Variants in CEP85L observed in about 807,000 individuals in gnomAD.
CEP85L encodes the protein centrosomal protein of 85 kDa-like.
CEP85L carries 60 observed loss-of-function variants against 100.3 expected under a neutral mutation model. That is an observed-to-expected ratio of 0.60 (90% confidence interval 0.49 to 0.74). The LOEUF is 0.74. CEP85L is among the 30% of genes least tolerant of loss of function. The pLI, the probability that CEP85L is intolerant of heterozygous loss-of-function variation, is 0.00. For synonymous variants in CEP85L, 319 were observed against 322.7 expected, an observed-to-expected ratio of 0.99 and a Z score of 0.12; for missense variants, 973 against 936.2, an observed-to-expected ratio of 1.04 and a Z score of -0.51.
At chr6:118,631,818 G>A (rs1774172128) in intron 2 of CEP85L, among the ~76,000 whole-genome samples, 1 of 152,170 alleles carries the variant, frequency 6.6e-6, no homozygotes, top group African/African-American at 2.4e-5. Flanking sequence ...GGCAGAGAGA[G>A]AAGTGGGTGT....
At chr6:118,587,669 G>A (rs1780946540) in intron 2 of CEP85L, among the ~76,000 whole-genome samples, 1 of 152,112 alleles carries the variant, frequency 6.6e-6, no homozygotes, top group Non-Finnish European at 1.5e-5. Context: ...GCGGCTTACT[G>A]ATCTGAGGGC....
At chr6:118,662,018 A>G (rs1429688345) in intron 1 of CEP85L, among the ~76,000 whole-genome samples, 1 of 152,228 alleles carries the variant, frequency 6.6e-6, no homozygotes, top group Admixed American at 6.5e-5. Flanking sequence ...GGATCATTGC[A>G]GTACTATCTC....
At chr6:118,493,113 G>A (rs778165107) in intron 5 of CEP85L, among the ~76,000 whole-genome samples, 1 of 152,150 alleles carries the variant, frequency 6.6e-6, no homozygotes, top group Non-Finnish European at 1.5e-5. Context: ...TGAAGACATT[G>A]AGCGAATGAG....
chr6:118,651,762 C>A, upstream of CEP85L: 5 of 986,558 alleles, frequency 5.1e-6, no homozygotes, highest in Non-Finnish European at 6.0e-6. Context: ...TTGGCGGCGA[C>A]TGGGCTGTCC....
intron 2 of CEP85L, among the ~76,000 whole-genome samples, chr6:118,590,208 G>C (rs56057396): frequency 0.034 from 5,116 of 152,104 alleles, 291 homozygotes; most frequent in African/African-American, 0.12. Flanking sequence ...ATTCCCCTGT[G>C]TTGGTCACTG....
In CEP85L at chr6:118,558,656, CACACAG is replaced by C. The variant is rs1258733085; in HGVS notation, c.1020+6867_1020+6872del. Among the ~76,000 whole-genome samples, 286 of 133,868 alleles carry C rather than the reference CACACAG, an allele frequency of 2.1e-3. 1 individual carries two copies. The highest frequency in any genetic ancestry group is 6.8e-3 in the African/African-American group (211 of 31,154). 87.8% of individuals were successfully genotyped at this position (133,868 alleles called of 152,430 possible). A position where few individuals can be genotyped will look rare whatever the true frequency, so the allele number is the denominator to read the frequency against. On this transcript the variant is annotated intron_variant, in intron 3 of 12. Coordinates refer to ENST00000368491, the MANE Select transcript of CEP85L (RefSeq NM_001042475.3). ...ACACACACACACACACACACACACA[CACACAG>C]AGAGAGAGAGAGAGAGAGAGAGAGA...
At chr6:118,496,808 A>T (rs1460199159) in intron 5 of CEP85L, among the ~76,000 whole-genome samples, 1 of 152,222 alleles carries the variant, frequency 6.6e-6, no homozygotes, top group Admixed American at 6.5e-5. Flanking sequence ...TAACATATTC[A>T]ACCTGCTCAA....
intron 2 of CEP85L, among the ~76,000 whole-genome samples, chr6:118,572,234 A>G (rs559046228): frequency 4.6e-4 from 68 of 146,840 alleles, no homozygotes; most frequent in South Asian, 3.7e-3. Context: ...GTTACATAGG[A>G]AAAAAAAAAC....
At chr6:118,679,631 G>A (rs148332746) in intron 1 of CEP85L, among the ~76,000 whole-genome samples, 256 of 152,278 alleles carry the variant, frequency 1.7e-3, no homozygotes, top group African/African-American at 5.9e-3. Context: ...AATGCCTTCA[G>A]GGGCCAGGAA....
chr6:118,563,337 A>C (rs894018316), intron 3 of CEP85L, among the ~76,000 whole-genome samples: 3 of 152,218 alleles, frequency 2.0e-5, no homozygotes, highest in African/African-American at 7.2e-5. Flanking sequence ...GCAAACCTTC[A>C]ATGTTACAAA....
chr6:118,650,378 A>C (rs1162823209), intron 1 of CEP85L, among the ~76,000 whole-genome samples: 3 of 152,214 alleles, frequency 2.0e-5, no homozygotes, highest in Non-Finnish European at 4.4e-5. Context: ...GGGAGGATTT[A>C]TCCTAATTTT....
chr6:118,695,189 C>A (rs1777167136), intron 1 of CEP85L, among the ~76,000 whole-genome samples: 1 of 152,230 alleles, frequency 6.6e-6, no homozygotes, highest in East Asian at 1.9e-4. Context: ...ATGGCAATCT[C>A]AGCTTCTTAT....
At chr6:118,583,418 C>A (rs541374762) in intron 2 of CEP85L, among the ~76,000 whole-genome samples, 18 of 152,274 alleles carry the variant, frequency 1.2e-4, no homozygotes, top group African/African-American at 3.9e-4. Context: ...ACCCCTTTTG[C>A]AGATGGGGAG....
intron 3 of CEP85L, among the ~76,000 whole-genome samples, chr6:118,530,107 T>A (rs1777207934): frequency 1.3e-5 from 2 of 152,026 alleles, no homozygotes; most frequent in South Asian, 4.1e-4. Context: ...GATAAAATAA[T>A]CACAAATGTT....
chr6:118,542,449 T>C lies in CEP85L; in HGVS notation c.1021-18529A>G, dbSNP rs988691549. Among the ~76,000 whole-genome samples the C allele has an allele frequency of 3.3e-5, 5 of 152,176 alleles. 1 individual carries two copies. The South Asian group carries it at 6.2e-4, about 19-fold the overall frequency. Reference sequence around the variant, plus strand: ...AATTTACATGTTTAACAAAATTAGCTAAAATTAATAGCTACTTTCAAAATA... The same window carrying C: ...AATTTACATGTTTAACAAAATTAGCCAAAATTAATAGCTACTTTCAAAATA... On this transcript the variant is annotated intron_variant, in intron 3 of 12. Transcript: ENST00000368491.
chr6:118,661,773 G>GA (rs778479910), intron 1 of CEP85L, among the ~76,000 whole-genome samples: 10 of 152,130 alleles, frequency 6.6e-5, no homozygotes, highest in Non-Finnish European at 1.5e-4. Flanking sequence ...AATATTCAGG[G>GA]AAAAAATAGA....
intron 1 of CEP85L, among the ~76,000 whole-genome samples, chr6:118,666,786 G>A (rs1776146431): frequency 1.3e-5 from 2 of 151,938 alleles, no homozygotes; most frequent in Non-Finnish European, 2.9e-5. Flanking sequence ...AGGAAACAGG[G>A]GCAGCTACTG....
intron 1 of CEP85L, among the ~76,000 whole-genome samples, chr6:118,707,442 C>T (rs1777631238): frequency 6.6e-6 from 1 of 152,122 alleles, no homozygotes; most frequent in African/African-American, 2.4e-5. Flanking sequence ...AATCCTCCCG[C>T]CTCGGCCTCC....
Position 118,461,569 on chromosome 6 carries a change from T to A in CEP85L, c.*3836A>T, listed in dbSNP as rs1452657669. The A allele has an allele frequency of 2.0e-5, 3 of 152,176 alleles. No individual in the cohort carries two copies. Among genetic ancestry groups the A allele is most frequent in the East Asian group, 1.9e-4 (1 of 5,176 alleles). 9.4% of individuals were successfully genotyped at this position (152,176 alleles called of 1,614,324 possible). A position where few individuals can be genotyped will look rare whatever the true frequency, so the allele number is the denominator to read the frequency against. ...ACAGCTGCAATAGTGTTATTAGACT[T>A]GCTGATTTAAAACTATATTCTTATA... is the stretch of plus-strand genomic sequence containing the variant. On this transcript the variant is annotated 3_prime_UTR_variant, in exon 13 of 13. Coordinates refer to ENST00000368491, the MANE Select transcript of CEP85L (RefSeq NM_001042475.3).
Sources: gnomAD v4.1 joint callset for allele counts (sites outside exome capture counted in the v4.1 genomes callset) on GRCh38, gnomAD v4.1.1 for gene constraint, MANE v1.5 for transcripts, NCBI Gene and HGNC (gene_info 2026-07-23, HGNC 2026-07-21) for gene names.